RASIP1: variants seen among roughly 807,000 people sequenced by gnomAD.
RASIP1 encodes ras-interacting protein 1.
A neutral mutation model predicts 85.3 loss-of-function variants in RASIP1; 20 were observed. The observed-to-expected ratio is 0.23, with a 90% CI of 0.17 to 0.34. The LOEUF is 0.34. Ranked by LOEUF, RASIP1 falls within the 10% of genes least tolerant of loss-of-function variation. The pLI is 1.00. For missense variants in RASIP1, 1,170 were observed against 1,390.9 expected, an observed-to-expected ratio of 0.84 and a Z score of 2.53; for synonymous variants, 617 against 647.1, an observed-to-expected ratio of 0.95 and a Z score of 0.71.
Position 48,735,178 on chromosome 19 carries a change from G to T in RASIP1, c.1179+18C>A. ...GGGGTATAGGGCTCTGGGCGTGCGG[G>T]GCTGGGGCGGCGGTTACCTGGGCGT... On this transcript the variant is annotated intron_variant, in intron 4 of 11. Coordinates refer to ENST00000222145, the MANE Select transcript of RASIP1 (RefSeq NM_017805.3). 1 of 1,592,194 alleles carries T rather than the reference G, an allele frequency of 6.3e-7. No homozygotes were observed. Among genetic ancestry groups the T allele is most frequent in the Non-Finnish European group, 8.6e-7 (1 of 1,166,474 alleles).
intron 8 of RASIP1, chr19:48,725,220 A>C: frequency 2.3e-6 from 1 of 429,084 alleles, no homozygotes; most frequent in Non-Finnish European, 4.2e-6. Context: ...AAGGAGGACA[A>C]AGGATACTGG....
rs139191283 is a variant in RASIP1, at chr19:48,737,375, A to C, written c.823+1585T>G. On this transcript the variant is annotated intron_variant, in intron 3 of 11. Coordinates refer to ENST00000222145, the MANE Select transcript of RASIP1 (RefSeq NM_017805.3). ...AAAGCGTTTAGAAGGCTCCCTGAGC[A>C]GACCCGTGCTTTCAATGCGCCAGGC... The C allele has an allele frequency of 2.1e-3, 1,579 of 765,688 alleles. 16 individuals carry two copies. In the African/African-American group the frequency reaches 0.022, roughly 11 times the overall value. The allele number at this position is 765,688 out of a possible 1,614,324, so 47.4% of individuals were successfully genotyped here.
intron 4 of RASIP1, among the ~76,000 whole-genome samples, chr19:48,731,152 T>G (rs1014703072): frequency 2.0e-5 from 3 of 152,196 alleles, no homozygotes; most frequent in Non-Finnish European, 2.9e-5. Context: ...CTCATGCCTA[T>G]AATCCCAGCT....
rs749629386 is a variant in RASIP1 at position 48,739,273 on chromosome 19, G to A, written c.510C>T (p.Ser170=). The A allele has an allele frequency of 7.9e-5, 116 of 1,467,028 alleles. 3 individuals are homozygous for A. The South Asian group carries it at 1.4e-3, about 17-fold the overall frequency. The allele number at this position is 1,467,028 out of a possible 1,614,324, so 90.9% of individuals were successfully genotyped here. ...CCTCGGCCACGAGCTCGCGCGCCGTGGAGCGCGCCGTGGCCAGCACGCTCT... is the reference window on the plus strand; with the variant it reads ...CCTCGGCCACGAGCTCGCGCGCCGTAGAGCGCGCCGTGGCCAGCACGCTCT... ...NYKSVLATAR[S]TARELVAEAL... Residue 170 remains serine (S), a synonymous_variant, in exon 3 of 12, where the codon TCC becomes TCT. Transcript: ENST00000222145. The surrounding 1 kb of genome is among the most constrained non-coding windows in gnomAD (Gnocchi z 9.2).
Position 48,738,948 on chromosome 19 carries a change from CCCG to C in RASIP1, c.823+9_823+11del. The C allele has an allele frequency of 8.2e-7, 1 of 1,212,818 alleles. No individual in the cohort carries two copies. Among genetic ancestry groups the C allele is most frequent in the Non-Finnish European group, 1.0e-6 (1 of 976,340 alleles). 75.1% of individuals were successfully genotyped at this position (1,212,818 alleles called of 1,614,324 possible). A position where few individuals can be genotyped will look rare whatever the true frequency, so the allele number is the denominator to read the frequency against. On this transcript the variant is annotated intron_variant, in intron 3 of 11. Coordinates refer to ENST00000222145, the MANE Select transcript of RASIP1 (RefSeq NM_017805.3). The surrounding 1 kb of genome is among the most constrained non-coding windows in gnomAD (Gnocchi z 4.0). The stretch of plus-strand genomic sequence containing the variant: ...ACCGAGTCCCCGCCCCAGAGCCCCG[CCCG>C]CCGCTCACCTTCGCTGTCCGCGGCC...
At chr19:48,728,237 A>G (rs1016598354) in intron 5 of RASIP1, among the ~76,000 whole-genome samples, 2 of 152,166 alleles carry the variant, frequency 1.3e-5, no homozygotes, top group Non-Finnish European at 2.9e-5. Context: ...CTCGCCTCCA[A>G]GAATGAACTC....
At chr19:48,725,113 A>G in intron 8 of RASIP1, 153 bp from the exon 9 acceptor site, 1 of 839,138 alleles carries the variant, frequency 1.2e-6, no homozygotes, top group Non-Finnish European at 1.8e-6. Context: ...CTCCGTGAGC[A>G]AATCCCTACT....
chr19:48,724,370 G>T lies in RASIP1; in HGVS notation c.2511C>A (p.Asn837Lys). The T allele has an allele frequency of 6.2e-7, 1 of 1,614,164 alleles. No homozygotes were observed. The highest frequency in any genetic ancestry group is 8.5e-7 in the Non-Finnish European group (1 of 1,180,032). ...EFFRKLSMAV[N>K]LLCVPRTSLL... ...GGGAAGTGCGGGGCACACAGAGCAG[G>T]TTCACAGCCATGGAGAGTTTCCGGA... The change falls in exon 10 of 12, where the codon AAC becomes AAA. Residue 837 changes from asparagine to lysine, a missense_variant. Physicochemically the swap from Asn to Lys is moderately conservative, Grantham distance 94. This residue lies in a region of RASIP1 where 426 missense variants were observed against 576.2 expected (regional missense o/e 0.74). Transcript: ENST00000222145. This position sits in a 1 kb window ranked among gnomAD's most constrained non-coding sequence, Gnocchi z 4.6.
rs1047645870 is a variant in RASIP1, at chr19:48,740,291, G to A, written c.-4-5C>T. The A allele has an allele frequency of 3.2e-6, 5 of 1,572,842 alleles. No homozygotes were observed. The African/African-American group carries it at 7.0e-5, about 22-fold the overall frequency. ...CGTTCACCAGACAGCATGGCCCTAA[G>A]GGAAGGCGGGTAAGGCCCCAACTCC... On this transcript the variant is annotated splice_region_variant and splice_polypyrimidine_tract_variant and intron_variant, in intron 1 of 11. Transcript: ENST00000222145. This position sits in a 1 kb window ranked among gnomAD's most constrained non-coding sequence, Gnocchi z 5.5.
chr19:48,728,844 C>T, intron 5 of RASIP1, 93 bp downstream of exon 5: 1 of 1,285,444 alleles, frequency 7.8e-7, no homozygotes. Context: ...TAGTATCCAG[C>T]CCAGCTATGA....
intron 4 of RASIP1, among the ~76,000 whole-genome samples, chr19:48,730,824 A>G (rs2033442981): frequency 6.6e-6 from 1 of 152,086 alleles, no homozygotes; most frequent in Non-Finnish European, 1.5e-5. Flanking sequence ...TCAAGAGTTC[A>G]AGACCAGACA....
rs2033399734 is a variant in RASIP1, at chr19:48,729,180, G to A, written c.1590C>T (p.Arg530=). The A allele has an allele frequency of 1.6e-6, 2 of 1,284,864 alleles. No homozygotes were observed. Among genetic ancestry groups the A allele is most frequent in the Non-Finnish European group, 2.0e-6 (2 of 1,013,570 alleles). The allele number at this position is 1,284,864 out of a possible 1,614,324, so 79.6% of individuals were successfully genotyped here. The change falls in exon 5 of 12, where the codon CGC becomes CGT. Residue 530 remains arginine, a synonymous_variant. Coordinates refer to ENST00000222145, the MANE Select transcript of RASIP1 (RefSeq NM_017805.3). ...CCAGGTAGGCGGCCAGTGCCTCGCC[G>A]CGCTCCTGCAGGCCGCGGCCGCACA... ...CRLCGRGLQE[R]GEALAAYLDG...
In RASIP1 at chr19:48,721,904, G is replaced by A. The variant is rs554401836; in HGVS notation, c.2642C>T (p.Pro881Leu). ...SHYQLGPGRG[P>L]PAAWDPPPAE... ...AGGGGGAGGGTCCCACGCGGCTGGCGGCCCGCGGCCAGGGCCCAGCTGATA... is the reference window on the plus strand; with the variant it reads ...AGGGGGAGGGTCCCACGCGGCTGGCAGCCCGCGGCCAGGGCCCAGCTGATA... Residue 881 changes from proline to leucine, a missense_variant, in exon 11 of 12, where the codon CCG (proline) becomes CTG (leucine). By Grantham distance (98) the Pro-to-Leu change is moderately conservative (BLOSUM62 -3). This residue lies in a region of RASIP1 where 144 missense variants were observed against 125.5 expected (regional missense o/e 1.15). Coordinates refer to ENST00000222145, the MANE Select transcript of RASIP1 (RefSeq NM_017805.3). The A allele has an allele frequency of 3.7e-5, 59 of 1,605,358 alleles. No homozygotes were observed. The highest frequency in any genetic ancestry group is 3.4e-4 in the Admixed American group (20 of 58,704).
chr19:48,723,601 G>A (rs1389103312), intron 10 of RASIP1, among the ~76,000 whole-genome samples: 1 of 149,878 alleles, frequency 6.7e-6, no homozygotes, highest in Non-Finnish European at 1.5e-5. Context: ...GAAATCAAGC[G>A]ACCTGTCCTA....
At chr19:48,734,167 C>T (rs1351790974) in intron 4 of RASIP1, among the ~76,000 whole-genome samples, 4 of 151,594 alleles carry the variant, frequency 2.6e-5, no homozygotes, top group African/African-American at 7.2e-5. Context: ...TGGTGGCGGG[C>T]GCCTGTAGTC....
At chr19:48,733,746 G>A (rs1374511442) in intron 4 of RASIP1, among the ~76,000 whole-genome samples, 1 of 151,098 alleles carries the variant, frequency 6.6e-6, no homozygotes, top group Admixed American at 6.6e-5. Context: ...GGCAGAGGTT[G>A]TAGTGAGCCA....
At position 48,721,144 on chromosome 19, in the gene RASIP1, T is replaced by G. The variant is rs1288469285; in HGVS notation, c.2693-147A>C. 6.0e-6 allele frequency: 4 copies of G among 662,522 alleles called. No individual in the cohort carries two copies. In the East Asian group the frequency reaches 1.1e-4, roughly 18 times the overall value. The allele number at this position is 662,522 out of a possible 1,614,324, so 41.0% of individuals were successfully genotyped here. A position where few individuals can be genotyped will look rare whatever the true frequency, so the allele number is the denominator to read the frequency against. On this transcript the variant is annotated intron_variant, in intron 11 of 11. Coordinates refer to ENST00000222145, the MANE Select transcript of RASIP1 (RefSeq NM_017805.3). Reference sequence around the variant, plus strand: ...GGGGCGGGGTCCGTTCACACGCTACTCTAGGAGCCCCTGGGCATGATGGAA... The same window carrying G: ...GGGGCGGGGTCCGTTCACACGCTACGCTAGGAGCCCCTGGGCATGATGGAA...
intron 4 of RASIP1, 109 bp from the exon 5 acceptor site, chr19:48,729,699 C>CCTT (rs1195135396): frequency 2.9e-5 from 21 of 732,358 alleles, no homozygotes; most frequent in Middle Eastern, 3.7e-4. Context: ...CTTTTTTTTT[C>CCTT]CTTCTTCTTC....
chr19:48,721,043 A>C, intron 11 of RASIP1, 46 bp from the exon 12 acceptor site: 1 of 1,473,206 alleles, frequency 6.8e-7, no homozygotes. Flanking sequence ...AGTGGGAGTG[A>C]GGTAGTTGCA....
Sources: allele counts gnomAD v4.1 joint callset (sites outside exome capture counted in the v4.1 genomes callset), GRCh38; gene constraint gnomAD v4.1.1; regional missense constraint gnomAD v4.1.1; non-coding constraint Gnocchi (gnomAD v3.1); transcripts MANE v1.5; gene names NCBI Gene and HGNC (gene_info 2026-07-23, HGNC 2026-07-21).